The following UFL1 variants were observed in gnomAD, a reference collection of about 807,000 sequenced individuals.
UFL1 encodes the protein E3 UFM1-protein ligase 1.
Under a neutral mutation model 99.3 loss-of-function variants are expected in UFL1, and 78 were observed. That is an observed-to-expected ratio of 0.79 (90% CI 0.65 to 0.95). UFL1 has a LOEUF of 0.95. Ranked by LOEUF, UFL1 falls within the 40% of genes least tolerant of loss-of-function variation. UFL1 has a pLI of 0.00. For missense variants in UFL1, 936 were observed against 937.0 expected (o/e 1.00, Z 0.01); for synonymous variants, 335 against 322.2 (o/e 1.04, Z -0.42).
At chr6:96,547,652 A>G (rs1770018827) in intron 12 of UFL1, among the ~76,000 whole-genome samples, 1 of 151,648 alleles carries the variant, frequency 6.6e-6, no homozygotes, top group South Asian at 2.1e-4. Context: ...CAATAAAATG[A>G]TGTCCTTTGC....
chr6:96,526,509 G>GAAAA, intron 5 of UFL1, 74 bp downstream of exon 5: 1 of 1,209,068 alleles, frequency 8.3e-7, no homozygotes, highest in African/African-American at 1.6e-5. Context: ...ATGGAAGGGG[G>GAAAA]AAAAAAAAAT....
chr6:96,531,071 C>A (rs914185057), intron 6 of UFL1, among the ~76,000 whole-genome samples: 1 of 152,190 alleles, frequency 6.6e-6, no homozygotes. Context: ...ACTGCACATG[C>A]AAGGGATGTT....
chr6:96,551,517 A>G lies in UFL1; in HGVS notation c.1899+4A>G. The stretch of plus-strand genomic sequence containing the variant: ...CCATAACTCTCTGAATGAAAAGGTA[A>G]GTAAAGTTTTATTCTATTTACATGT... On this transcript the variant is annotated splice_donor_region_variant and intron_variant, in intron 16 of 18. Transcript: ENST00000369278. 6.6e-7 allele frequency: 1 copy of G among 1,509,262 alleles called. No individual in the cohort carries two copies. The highest frequency in any genetic ancestry group is 8.9e-7 in the Non-Finnish European group (1 of 1,120,504). 93.5% of individuals were successfully genotyped at this position (1,509,262 alleles called of 1,614,324 possible).
intron 2 of UFL1, 55 bp from the exon 3 acceptor site, chr6:96,524,327 G>A: frequency 2.0e-6 from 3 of 1,487,082 alleles, no homozygotes; most frequent in Non-Finnish European, 2.7e-6. Flanking sequence ...TTATAGCTTT[G>A]GGTTGGTATG....
chr6:96,546,513 C>A (rs1204636462), intron 12 of UFL1, among the ~76,000 whole-genome samples: 1 of 151,322 alleles, frequency 6.6e-6, no homozygotes. Flanking sequence ...TAGAAAAATA[C>A]ACTCCTAAAG....
rs1274178038 is a variant in UFL1 at position 96,553,599 on chromosome 6, C to A, written c.*96C>A. 2 of 876,652 alleles carry A rather than the reference C, an allele frequency of 2.3e-6. No homozygotes were observed. Among genetic ancestry groups the A allele is most frequent in the Non-Finnish European group, 3.5e-6 (2 of 572,232 alleles). 54.3% of individuals were successfully genotyped at this position (876,652 alleles called of 1,614,324 possible). ...GTAGTCACTATACAACTCCCCTCTCCCTGCAAAAACCACCTCATACACACA... is the reference window on the plus strand; with the variant it reads ...GTAGTCACTATACAACTCCCCTCTCACTGCAAAAACCACCTCATACACACA... On this transcript the variant is annotated 3_prime_UTR_variant, in exon 19 of 19. Coordinates refer to ENST00000369278, the MANE Select transcript of UFL1 (RefSeq NM_015323.5).
rs62412893 is a variant in UFL1, at chr6:96,526,711, A to G, written c.465+276A>G. Among the ~76,000 whole-genome samples, 282 of 152,336 alleles carry G rather than the reference A, an allele frequency of 1.9e-3. 3 individuals are homozygous for G. The highest frequency in any genetic ancestry group is 0.012 in the South Asian group (56 of 4,826). On this transcript the variant is annotated intron_variant, in intron 5 of 18. Transcript: ENST00000369278. Reference sequence around the variant, plus strand: ...TAAGTTCTAGGGCTGCTTTGATGCAATTAGCAAATGTACAATAAATGCATG... The same window carrying G: ...TAAGTTCTAGGGCTGCTTTGATGCAGTTAGCAAATGTACAATAAATGCATG...
intron 6 of UFL1, among the ~76,000 whole-genome samples, chr6:96,531,160 C>T (rs1769777716): frequency 6.6e-6 from 1 of 152,222 alleles, no homozygotes; most frequent in Non-Finnish European, 1.5e-5. Context: ...TCCCCCACAA[C>T]CCGGGTCCGT....
At chr6:96,540,257 G>A (rs1769912294) in intron 10 of UFL1, among the ~76,000 whole-genome samples, 1 of 151,436 alleles carries the variant, frequency 6.6e-6, no homozygotes, top group African/African-American at 2.4e-5. Flanking sequence ...CAGCTGGAGA[G>A]GATTGCATCT....
intron 15 of UFL1, 90 bp from the exon 16 acceptor site, chr6:96,551,343 G>A: frequency 1.4e-6 from 1 of 711,586 alleles, no homozygotes; most frequent in South Asian, 1.8e-5. Context: ...ATTCCACTCA[G>A]GAACTTGTTA....
chr6:96,552,485 G>A lies in UFL1; in HGVS notation c.1989G>A (p.Gln663=). The change falls in exon 18 of 19, where the codon CAG becomes CAA. Residue 663 remains glutamine (Q), a synonymous_variant. Transcript: ENST00000369278. The part of the protein sequence containing the change: ...VKRGDKKRER[Q]ILFQHRQALA... ...GTGTGCTTTTTTTTTTTTTTAGACA[G>A]ATACTGTTCCAACATCGACAAGCAC... 1.3e-6 allele frequency: 2 copies of A among 1,549,644 alleles called. No individual in the cohort carries two copies. The highest frequency in any genetic ancestry group is 8.6e-7 in the Non-Finnish European group (1 of 1,158,920).
At chr6:96,523,735 A>G (rs1312254559) in intron 2 of UFL1, among the ~76,000 whole-genome samples, 1 of 152,182 alleles carries the variant, frequency 6.6e-6, no homozygotes, top group Non-Finnish European at 1.5e-5. Flanking sequence ...GTGTGGTGCT[A>G]CACCAATCAT....
Position 96,553,526 on chromosome 6 carries a change from T to A in UFL1, c.*23T>A. ...TAATGATCTTAATTTACATTTGTCA[T>A]ATAGTAAGCATTTTCCCCCAAGGTT... is the stretch of plus-strand genomic sequence containing the variant. On this transcript the variant is annotated 3_prime_UTR_variant, in exon 19 of 19. Transcript: ENST00000369278. 6.2e-7 allele frequency: 1 copy of A among 1,602,872 alleles called. No homozygotes were observed.
intron 9 of UFL1, among the ~76,000 whole-genome samples, chr6:96,537,994 G>C (rs544243978): frequency 6.6e-6 from 1 of 151,956 alleles, no homozygotes; most frequent in East Asian, 1.9e-4. Flanking sequence ...AAAAAGATAA[G>C]TGTAGATAAA....
intron 5 of UFL1, among the ~76,000 whole-genome samples, chr6:96,527,204 A>G (rs999066421): frequency 2.4e-4 from 37 of 152,062 alleles, no homozygotes; most frequent in Non-Finnish European, 4.4e-4. Context: ...AGCTTTTGAG[A>G]TTTTTAAAAG....
At chr6:96,533,816 AAG>A (rs1491421481) in intron 6 of UFL1, among the ~76,000 whole-genome samples, 2 of 151,196 alleles carry the variant, frequency 1.3e-5, no homozygotes, top group Non-Finnish European at 3.0e-5. Context: ...AAAAAAAAAA[AAG>A]ATTTTAAATG....
chr6:96,550,992 G>T (rs780053951), intron 15 of UFL1, among the ~76,000 whole-genome samples: 5 of 151,920 alleles, frequency 3.3e-5, no homozygotes, highest in Non-Finnish European at 5.9e-5. Context: ...AGAGAGAGGT[G>T]CTGAAAAGAT....
chr6:96,521,897 T>G lies in UFL1; in HGVS notation c.24T>G (p.Ile8Met). The G allele has an allele frequency of 3.1e-6, 5 of 1,612,718 alleles. No individual in the cohort carries two copies. Among genetic ancestry groups the G allele is most frequent in the Non-Finnish European group, 4.2e-6 (5 of 1,179,636 alleles). The stretch of plus-strand genomic sequence containing the variant: ...TGATGGCGGACGCCTGGGAAGAGAT[T>G]AGGCGGTTGGCGGCCGACTTCCAGC... MADAWEE[I>M]RRLAADFQRA... Residue 8 changes from isoleucine to methionine, a missense_variant, in exon 1 of 19, where the codon ATT becomes ATG. Transcript: ENST00000369278.
chr6:96,551,590 A>G (rs1027598597), intron 16 of UFL1, 77 bp downstream of exon 16: 21 of 1,066,736 alleles, frequency 2.0e-5, no homozygotes, highest in Non-Finnish European at 2.8e-5. Flanking sequence ...TTTTTTTATC[A>G]GAGTAATTGT....
Sources: gnomAD v4.1 joint callset for allele counts (sites outside exome capture counted in the v4.1 genomes callset) on GRCh38, gnomAD v4.1.1 for gene constraint, MANE v1.5 for transcripts, NCBI Gene and HGNC (gene_info 2026-07-23, HGNC 2026-07-21) for gene names.